Variants in MGAT5B observed in about 807,000 individuals in gnomAD.
The protein encoded by MGAT5B is N-acetylglucosaminyl-transferase Vb.
MGAT5B carries 54 observed loss-of-function variants against 95.1 expected under a neutral mutation model. That is an observed-to-expected ratio of 0.57 (90% confidence interval 0.46 to 0.71). MGAT5B has a LOEUF of 0.71. MGAT5B is among the 30% of genes least tolerant of loss of function. The pLI is 0.00. For synonymous variants in MGAT5B, 464 were observed against 451.0 expected (o/e 1.03, Z -0.36); for missense variants, 935 against 1,088.6 (o/e 0.86, Z 1.99).
chr17:76,920,977 C>T (rs867594412), intron 8 of MGAT5B, among the ~76,000 whole-genome samples: 1 of 152,172 alleles, frequency 6.6e-6, no homozygotes, highest in African/African-American at 2.4e-5. Context: ...TTAAAGATGA[C>T]CTGACCCTGC....
rs1431743445 is a variant in MGAT5B, at chr17:76,870,644, G to T, written c.68+1547G>T. Among the ~76,000 whole-genome samples, 2 of 152,002 alleles carry T rather than the reference G, an allele frequency of 1.3e-5. No individual in the cohort carries two copies. The highest frequency in any genetic ancestry group is 2.4e-5 in the African/African-American group (1 of 41,370). The stretch of plus-strand genomic sequence containing the variant: ...CAGGCCCTTATCTGAAGGCAGGATT[G>T]GGGGTGGAGGTGCATGGGTCCCCAA... On this transcript the variant is annotated intron_variant, in intron 1 of 17. Coordinates refer to ENST00000569840, the MANE Select transcript of MGAT5B (RefSeq NM_001199172.2). The surrounding 1 kb of genome is among the most constrained non-coding windows in gnomAD (Gnocchi z 5.0).
At chr17:76,874,832 G>T (rs1239415902) in intron 2 of MGAT5B, among the ~76,000 whole-genome samples, 1 of 152,060 alleles carries the variant, frequency 6.6e-6, no homozygotes, top group Non-Finnish European at 1.5e-5. Flanking sequence ...GGGGGTGGGG[G>T]TCCAACCCCA....
rs1970132386 is a variant in MGAT5B at position 76,949,283 on chromosome 17, A to AGG, written c.*448_*449dup. The AGG allele has an allele frequency of 5.8e-6, 1 of 173,618 alleles. No individual in the cohort carries two copies. The highest frequency in any genetic ancestry group is 2.4e-5 in the African/African-American group (1 of 41,870). 10.8% of individuals were successfully genotyped at this position (173,618 alleles called of 1,614,324 possible). A position where few individuals can be genotyped will look rare whatever the true frequency, so the allele number is the denominator to read the frequency against. ...CCCACGGTCCCTGAAGGGTCCAAGG[A>AGG]GGGGCCCTCCCCATGGCCCTGGAGA... On this transcript the variant is annotated 3_prime_UTR_variant, in exon 18 of 18. Transcript: ENST00000569840.
chr17:76,949,113 C>A lies in MGAT5B; in HGVS notation c.*275C>A. Reference sequence around the variant, plus strand: ...AAGCAGGTGTCGGACTGCTCAGAGTCCGCATGGCCCAGGAGCAGGTGGTCG... The same window carrying A: ...AAGCAGGTGTCGGACTGCTCAGAGTACGCATGGCCCAGGAGCAGGTGGTCG... On this transcript the variant is annotated 3_prime_UTR_variant, in exon 18 of 18. Coordinates refer to ENST00000569840, the MANE Select transcript of MGAT5B (RefSeq NM_001199172.2). 1 of 503,218 alleles carries A rather than the reference C, an allele frequency of 2.0e-6. No individual in the cohort carries two copies. The highest frequency in any genetic ancestry group is 3.6e-6 in the Non-Finnish European group (1 of 280,326). 31.2% of individuals were successfully genotyped at this position (503,218 alleles called of 1,614,324 possible). A position where few individuals can be genotyped will look rare whatever the true frequency, so the allele number is the denominator to read the frequency against.
chr17:76,926,542 C>A, intron 9 of MGAT5B, 55 bp from the exon 10 acceptor site: 1 of 1,551,744 alleles, frequency 6.4e-7, no homozygotes, highest in Non-Finnish European at 8.7e-7. Flanking sequence ...CAACTTCAGC[C>A]CAGGGACACA....
At chr17:76,939,545 A>C (rs1969798326) in intron 13 of MGAT5B, among the ~76,000 whole-genome samples, 1 of 152,056 alleles carries the variant, frequency 6.6e-6, no homozygotes, top group Non-Finnish European at 1.5e-5. Flanking sequence ...TTTAGGTTTA[A>C]GGGGTACATA....
Position 76,948,708 on chromosome 17 carries a change from G to T in MGAT5B, c.2249G>T (p.Gly750Val). The change falls in exon 18 of 18, where the codon GGC becomes GTC. Residue 750 changes from glycine (G) to valine (V), a missense_variant. Physicochemically the swap from Gly to Val is moderately radical, Grantham distance 109. Transcript: ENST00000569840. ...NHLYPAFAQP[G>V]QECYLQKEPL... The stretch of plus-strand genomic sequence containing the variant: ...CTGTACCCGGCGTTCGCCCAGCCTG[G>T]CCAGGAGTGCTACCTGCAGAAGGAG... 2 of 1,613,426 alleles carry T rather than the reference G, an allele frequency of 1.2e-6. No individual in the cohort carries two copies. Among genetic ancestry groups the T allele is most frequent in the Non-Finnish European group, 1.7e-6 (2 of 1,179,848 alleles).
In MGAT5B at chr17:76,905,748, T is replaced by C. The variant is rs554425864; in HGVS notation, c.856-270T>C. Among the ~76,000 whole-genome samples the C allele has an allele frequency of 2.7e-5, 4 of 150,768 alleles. No homozygotes were observed. The highest frequency in any genetic ancestry group is 9.7e-5 in the African/African-American group (4 of 41,258). On this transcript the variant is annotated intron_variant, in intron 7 of 17. Transcript: ENST00000569840. The surrounding 1 kb of genome is among the most constrained non-coding windows in gnomAD (Gnocchi z 4.2). ...GCCCTTTTATTTCTTTCAGAGCCCT[T>C]ATCATTTCATGAAATTATCTCTTGT...
At chr17:76,932,066 TTCCTCC>T (rs1358129738) in intron 10 of MGAT5B, among the ~76,000 whole-genome samples, 4 of 137,682 alleles carry the variant, frequency 2.9e-5, no homozygotes, top group South Asian at 4.9e-4. Context: ...TCCTCCTTTT[TTCCTCC>T]TCCTCCTCCT....
At chr17:76,886,539 C>G (rs1340198004) in intron 3 of MGAT5B, among the ~76,000 whole-genome samples, 1 of 152,238 alleles carries the variant, frequency 6.6e-6, no homozygotes, top group African/African-American at 2.4e-5. Context: ...GTCCCCATGG[C>G]ACAGGGGAGT....
chr17:76,892,659 G>A (rs1181491777), intron 3 of MGAT5B, among the ~76,000 whole-genome samples: 2 of 152,240 alleles, frequency 1.3e-5, no homozygotes, highest in South Asian at 2.1e-4. Context: ...AGCGGCGCAC[G>A]GGCGGGGCAG....
rs749861912 is a variant in MGAT5B at position 76,948,658 on chromosome 17, C to T, written c.2199C>T (p.Asp733=). 3 of 1,612,508 alleles carry T rather than the reference C, an allele frequency of 1.9e-6. No homozygotes were observed. Among genetic ancestry groups the T allele is most frequent in the Admixed American group, 1.7e-5 (1 of 59,884 alleles). Residue 733 remains aspartate (D), a synonymous_variant, in exon 18 of 18, where the codon GAC becomes GAT. Transcript: ENST00000569840. ...DAFLKLQVPC[D]STESEMNHLY... ...CTGCCAGGCTGCAGGTGCCCTGTGA[C>T]AGCACCGAGTCGGAGATGAACCACC...
At position 76,913,126 on chromosome 17, in the gene MGAT5B, C is replaced by T. The variant is rs938462231; in HGVS notation, c.1025+6939C>T. 1.1e-4 allele frequency among the ~76,000 whole-genome samples: 17 copies of T among 152,216 alleles called. 1 individual carries two copies. The highest frequency in any genetic ancestry group is 3.9e-4 in the African/African-American group (16 of 41,458). ...AAGTAAGGAGGACTAGGAGGGACAACTCCTGGCTGTCAAGCATGCAGCCAG... is the reference window on the plus strand; with the variant it reads ...AAGTAAGGAGGACTAGGAGGGACAATTCCTGGCTGTCAAGCATGCAGCCAG... On this transcript the variant is annotated intron_variant, in intron 8 of 17. Coordinates refer to ENST00000569840, the MANE Select transcript of MGAT5B (RefSeq NM_001199172.2).
At chr17:76,933,840 G>A (rs1006707531) in intron 12 of MGAT5B, among the ~76,000 whole-genome samples, 2 of 152,118 alleles carry the variant, frequency 1.3e-5, no homozygotes, top group Non-Finnish European at 2.9e-5. Context: ...CGTTCCCCGG[G>A]GTCTTCTTAC....
intron 12 of MGAT5B, 90 bp downstream of exon 12, chr17:76,933,387 C>T: frequency 1.3e-6 from 2 of 1,525,570 alleles, no homozygotes; most frequent in Non-Finnish European, 1.8e-6. Context: ...TTGTGATGTT[C>T]TCCTGACTCA....
chr17:76,915,863 G>A lies in MGAT5B; in HGVS notation c.1026-9103G>A, dbSNP rs769316626. Among the ~76,000 whole-genome samples, 11 of 152,296 alleles carry A rather than the reference G, an allele frequency of 7.2e-5. No individual in the cohort carries two copies. Among genetic ancestry groups the A allele is most frequent in the South Asian group, 6.2e-4 (3 of 4,820 alleles). On this transcript the variant is annotated intron_variant, in intron 8 of 17. Coordinates refer to ENST00000569840, the MANE Select transcript of MGAT5B (RefSeq NM_001199172.2). The surrounding 1 kb of genome is among the most constrained non-coding windows in gnomAD (Gnocchi z 8.7). ...CCTCCTGGCTGAGCGGGGAGCGAGC[G>A]CAGGAGCACACATCCCAGCGGAGAG... is the stretch of plus-strand genomic sequence containing the variant.
rs1008321021 is a variant in MGAT5B at position 76,938,931 on chromosome 17, G to A, written c.1584+788G>A. ...TGGGCTTAAGCGATCCTACCACCTC[G>A]GCCTCTCAAAGTGCTGGGATTACAG... On this transcript the variant is annotated intron_variant, in intron 13 of 17. Transcript: ENST00000569840. The surrounding 1 kb of genome is among the most constrained non-coding windows in gnomAD (Gnocchi z 4.3). Among the ~76,000 whole-genome samples the A allele has an allele frequency of 1.8e-4, 28 of 151,646 alleles. No individual in the cohort carries two copies. Among genetic ancestry groups the A allele is most frequent in the Non-Finnish European group, 3.1e-4 (21 of 67,930 alleles).
At chr17:76,919,071 G>A (rs144102589) in intron 8 of MGAT5B, among the ~76,000 whole-genome samples, 2 of 152,370 alleles carry the variant, frequency 1.3e-5, no homozygotes, top group Non-Finnish European at 2.9e-5. Context: ...GAGCGATGTG[G>A]TGGCTCGTGG....
At position 76,904,440 on chromosome 17, in the gene MGAT5B, G is replaced by A. The variant is rs1018418061; in HGVS notation, c.690+18G>A. 1.3e-6 allele frequency: 2 copies of A among 1,548,882 alleles called. No homozygotes were observed. Among genetic ancestry groups the A allele is most frequent in the African/African-American group, 1.4e-5 (1 of 73,380 alleles). On this transcript the variant is annotated intron_variant, in intron 6 of 17. Coordinates refer to ENST00000569840, the MANE Select transcript of MGAT5B (RefSeq NM_001199172.2). ...AAGTCCAGGTGGGCCTGGGAGGTGG[G>A]TGGGCCGGTGAGGGGCTGGTGTGGC...
Sources: gnomAD v4.1 joint callset for allele counts (sites outside exome capture counted in the v4.1 genomes callset) on GRCh38, gnomAD v4.1.1 for gene constraint, Gnocchi (gnomAD v3.1) non-coding constraint, MANE v1.5 for transcripts, NCBI Gene and HGNC (gene_info 2026-07-23, HGNC 2026-07-21) for gene names.